Variants in PCDHA4 observed in about 807,000 individuals in gnomAD.
PCDHA4 encodes the protein protocadherin alpha-4.
In PCDHA4, 49 loss-of-function variants were observed where a neutral mutation model predicts 61.4. The ratio of observed to expected loss-of-function variants is 0.80; its 90% CI spans 0.63 to 1.01. The LOEUF (loss-of-function observed/expected upper bound fraction) is 1.01, where lower values mean the gene tolerates loss of function less well. Ranked by LOEUF, PCDHA4 falls within the 50% of genes least tolerant of loss-of-function variation. PCDHA4 has a pLI of 0.00. For synonymous variants in PCDHA4, 590 were observed against 550.3 expected (o/e 1.07, Z -1.01); for missense variants, 1,254 against 1,235.8 (o/e 1.01, Z -0.22).
intron 1 of PCDHA4, chr5:140,851,516 T>TA: frequency 2.2e-6 from 2 of 906,324 alleles, no homozygotes; most frequent in Non-Finnish European, 2.7e-6. Context: ...AAATATGTTT[T>TA]AAAATGCCTG....
At chr5:140,873,973 T>C (rs1255024393) in intron 1 of PCDHA4, among the ~76,000 whole-genome samples, 2 of 152,224 alleles carry the variant, frequency 1.3e-5, no homozygotes. Flanking sequence ...TTTTTTAAAA[T>C]TAAAGTTCCT....
At chr5:140,877,136 T>C (rs782812769) in intron 1 of PCDHA4, 2 of 1,613,760 alleles carry the variant, frequency 1.2e-6, no homozygotes, top group Non-Finnish European at 1.7e-6. Context: ...CAGGTGTTCG[T>C]GCTGGACGAG....
intron 1 of PCDHA4, among the ~76,000 whole-genome samples, chr5:140,897,837 C>A: frequency 6.6e-6 from 1 of 152,116 alleles, no homozygotes; most frequent in African/African-American, 2.4e-5. Context: ...TCTCCACATC[C>A]TCTCCAGCAC....
intron 3 of PCDHA4, among the ~76,000 whole-genome samples, chr5:140,984,328 G>A (rs1221209076): frequency 3.3e-5 from 5 of 152,156 alleles, no homozygotes; most frequent in African/African-American, 1.2e-4. Context: ...GGCAAATGTG[G>A]AATAGGAACC....
intron 1 of PCDHA4, among the ~76,000 whole-genome samples, chr5:140,896,197 T>G (rs911999135): frequency 2.0e-5 from 3 of 152,280 alleles, no homozygotes; most frequent in Non-Finnish European, 2.9e-5. Flanking sequence ...AGTGCCATGA[T>G]GAACATACAC....
At chr5:140,867,198 C>A (rs1286853388) in intron 1 of PCDHA4, 1 of 152,110 alleles carries the variant, frequency 6.6e-6, no homozygotes, top group East Asian at 1.9e-4. Flanking sequence ...ACTCCACATT[C>A]CATGTAACAT....
intron 1 of PCDHA4, among the ~76,000 whole-genome samples, chr5:140,897,090 C>G (rs1420408825): frequency 6.6e-6 from 1 of 151,950 alleles, no homozygotes; most frequent in Non-Finnish European, 1.5e-5. Context: ...ATTTTTTATC[C>G]TCATTAAAAA....
intron 1 of PCDHA4, chr5:140,866,423 G>A (rs2049350651): frequency 6.6e-6 from 1 of 151,088 alleles, no homozygotes; most frequent in South Asian, 2.1e-4. Flanking sequence ...ATGTGTGTAG[G>A]TCTTTCAGTC....
Position 140,843,621 on chromosome 5 carries a change from C to T in PCDHA4, c.2385+34049C>T, listed in dbSNP as rs2150363692. On this transcript the variant is annotated intron_variant, in intron 1 of 3. Transcript: ENST00000530339. ...TGCTCTGGTGAGGGGCCACCGAAGA[C>T]GGACCTCATGGCCTTCAGCCCCTGC... The T allele has an allele frequency of 1.0e-5, 16 of 1,596,050 alleles. 1 individual carries two copies. The South Asian group carries it at 1.8e-4, about 18-fold the overall frequency.
At chr5:140,884,112 C>T (rs2153400405) in intron 1 of PCDHA4, 1 of 1,613,306 alleles carries the variant, frequency 6.2e-7, no homozygotes. Flanking sequence ...CAGCTGGCGG[C>T]GGTCGGCGCG....
intron 1 of PCDHA4, chr5:140,812,425 A>C (rs1554125986): frequency 6.6e-6 from 1 of 152,008 alleles, no homozygotes; most frequent in African/African-American, 2.4e-5. Context: ...GTTTTTTCAA[A>C]AAATCAACTA....
At chr5:140,877,594 T>G (rs782719581) in intron 1 of PCDHA4, 110 of 1,613,680 alleles carry the variant, frequency 6.8e-5, no homozygotes, top group Non-Finnish European at 9.3e-5. Context: ...CTGTGCGGTG[T>G]CCAGCCTGCT....
intron 1 of PCDHA4, chr5:140,856,990 T>C: frequency 6.3e-7 from 1 of 1,595,350 alleles, no homozygotes; most frequent in Non-Finnish European, 8.6e-7. Flanking sequence ...ACAGTAACAC[T>C]TATGAAATTC....
chr5:140,977,890 A>C (rs1554238866), intron 1 of PCDHA4, among the ~76,000 whole-genome samples: 3 of 152,234 alleles, frequency 2.0e-5, no homozygotes, highest in Non-Finnish European at 4.4e-5. Flanking sequence ...AGGAAAATAC[A>C]AAATACAACT....
chr5:140,964,139 A>G (rs1396740282), intron 1 of PCDHA4, among the ~76,000 whole-genome samples: 1 of 152,242 alleles, frequency 6.6e-6, no homozygotes, highest in Non-Finnish European at 1.5e-5. Flanking sequence ...TAAGGTTGGC[A>G]GGAGCCTCAG....
intron 1 of PCDHA4, among the ~76,000 whole-genome samples, chr5:140,919,250 T>G (rs1471325437): frequency 6.6e-6 from 1 of 152,236 alleles, no homozygotes; most frequent in African/African-American, 2.4e-5. Flanking sequence ...TTGTCTGTTT[T>G]GTCTGATATT....
At chr5:140,952,160 G>A (rs952147312) in intron 1 of PCDHA4, among the ~76,000 whole-genome samples, 1 of 152,044 alleles carries the variant, frequency 6.6e-6, no homozygotes, top group Non-Finnish European at 1.5e-5. Context: ...GGCTTTGTGG[G>A]GTTCAGTTCC....
chr5:140,884,092 G>C, intron 1 of PCDHA4: 2 of 1,613,556 alleles, frequency 1.2e-6, no homozygotes, highest in Non-Finnish European at 1.7e-6. Context: ...CGTGGCTTTC[G>C]TATGAATTGC....
At chr5:140,837,860 G>A (rs2150280331) in intron 1 of PCDHA4, among the ~76,000 whole-genome samples, 4 of 151,378 alleles carry the variant, frequency 2.6e-5, no homozygotes, top group Admixed American at 6.6e-5. Context: ...TTTTATTTTT[G>A]TAGAGACAGG....
Sources: gnomAD v4.1 joint callset for allele counts (sites outside exome capture counted in the v4.1 genomes callset) on GRCh38, gnomAD v4.1.1 for gene constraint, MANE v1.5 for transcripts, NCBI Gene and HGNC (gene_info 2026-07-23, HGNC 2026-07-21) for gene names.